CFAP45: variants seen among roughly 807,000 people sequenced by gnomAD.
CFAP45 encodes cilia- and flagella-associated protein 45.
Under a neutral mutation model 75.6 loss-of-function variants are expected in CFAP45, and 43 were observed. That is an observed-to-expected ratio of 0.57 (90% CI 0.45 to 0.73). CFAP45 has a LOEUF of 0.73. Among genes scored for constraint, CFAP45 ranks in the 30% least tolerant of loss-of-function variants. The pLI is 0.00. For missense variants in CFAP45, 689 were observed against 701.5 expected (o/e 0.98, Z 0.20); for synonymous variants, 223 against 244.6 (o/e 0.91, Z 0.82).
chr1:159,877,296 T>G lies in CFAP45; in HGVS notation c.1158+53A>C. The G allele has an allele frequency of 2.4e-6, 3 of 1,253,992 alleles. No individual in the cohort carries two copies. In the East Asian group the frequency reaches 6.9e-5, roughly 29 times the overall value. 77.7% of individuals were successfully genotyped at this position (1,253,992 alleles called of 1,614,324 possible). On this transcript the variant is annotated intron_variant, in intron 9 of 11. Coordinates refer to ENST00000368099, the MANE Select transcript of CFAP45 (RefSeq NM_012337.3). ...GCCATTCTACAGGCTGTCAAAGGGA[T>G]GGATAGGCAAGGGAGTGGGAAAAGT... is the stretch of plus-strand genomic sequence containing the variant.
intron 7 of CFAP45, among the ~76,000 whole-genome samples, chr1:159,881,115 T>C (rs572049114): frequency 1.3e-5 from 2 of 152,344 alleles, no homozygotes; most frequent in Admixed American, 1.3e-4. Context: ...AAATAATACA[T>C]ATTGCCTTAA....
At position 159,884,337 on chromosome 1, in the gene CFAP45, G is replaced by T. The variant is rs1330219876; in HGVS notation, c.897+99C>A. On this transcript the variant is annotated intron_variant, in intron 7 of 11. Transcript: ENST00000368099. ...TGATGATGTTGTGAAATGAGCATGT[G>T]CCTGGCAGAAAATCAGTCAACACCC... is the stretch of plus-strand genomic sequence containing the variant. 3.9e-6 allele frequency: 5 copies of T among 1,266,528 alleles called. No homozygotes were observed. In the South Asian group the frequency reaches 8.0e-5, roughly 20 times the overall value. The allele number at this position is 1,266,528 out of a possible 1,614,324, so 78.5% of individuals were successfully genotyped here.
intron 8 of CFAP45, 93 bp downstream of exon 8, chr1:159,880,461 C>T: frequency 1.7e-6 from 2 of 1,157,946 alleles, no homozygotes; most frequent in Non-Finnish European, 1.2e-6. Context: ...GGTGCGGCTG[C>T]CTTCCACTGG....
intron 1 of CFAP45, among the ~76,000 whole-genome samples, chr1:159,896,821 G>A (rs1262931562): frequency 2.6e-5 from 4 of 152,180 alleles, no homozygotes; most frequent in African/African-American, 9.7e-5. Flanking sequence ...CCAACTCCTG[G>A]AGCACAAGAA....
intron 3 of CFAP45, among the ~76,000 whole-genome samples, chr1:159,889,489 A>G (rs2501321): frequency 0.9 from 137,273 of 152,312 alleles, 62,031 homozygotes; most frequent in African/African-American, 0.97. Context: ...TCACAAAGCA[A>G]CGTGGCCCTA....
Position 159,893,233 on chromosome 1 carries a change from G to C in CFAP45, c.76C>G (p.Arg26Gly). The C allele has an allele frequency of 2.5e-6, 4 of 1,614,072 alleles. No homozygotes were observed. The highest frequency in any genetic ancestry group is 3.4e-6 in the Non-Finnish European group (4 of 1,179,988). The change falls in exon 2 of 12, where the codon CGG becomes GGG. Residue 26 changes from arginine to glycine, a missense_variant. Transcript: ENST00000368099. ...ACCTCAGAGCTCACGGCTTTGGTCC[G>C]ATAGCGAGCCTTATTCCTTGACCTG... ...SNRSRNKARY[R>G]TKAVSSEVDE...
intron 6 of CFAP45, among the ~76,000 whole-genome samples, chr1:159,885,386 T>C (rs910964879): frequency 2.0e-5 from 3 of 152,190 alleles, no homozygotes; most frequent in Non-Finnish European, 4.4e-5. Flanking sequence ...CAGAGGTGAA[T>C]GTACCAGGTA....
chr1:159,890,755 TTC>T, intron 2 of CFAP45, 133 bp from the exon 3 acceptor site: 2 of 588,212 alleles, frequency 3.4e-6, no homozygotes, highest in Non-Finnish European at 5.3e-6. Context: ...AGCTTTTCTT[TTC>T]TTTTTTTTTT....
chr1:159,882,327 C>G (rs931632173), intron 7 of CFAP45, among the ~76,000 whole-genome samples: 1 of 152,166 alleles, frequency 6.6e-6, no homozygotes, highest in Non-Finnish European at 1.5e-5. Flanking sequence ...TTTAATCTCA[C>G]TGGCCCTCAA....
In CFAP45 at chr1:159,887,898, C is replaced by G; in HGVS notation, c.531G>C (p.Leu177=). Residue 177 remains leucine, a synonymous_variant, in exon 5 of 12, where the codon CTG becomes CTC. Coordinates refer to ENST00000368099, the MANE Select transcript of CFAP45 (RefSeq NM_012337.3). The part of the protein sequence containing the change: ...EVAKERAQNL[L]QRANKLRMEQ... ...CCATCCGCAGCTTGTTGGCTCTCTGCAGGAGGTTCTGGGCCCGTTCCTTGG... is the reference window on the plus strand; with the variant it reads ...CCATCCGCAGCTTGTTGGCTCTCTGGAGGAGGTTCTGGGCCCGTTCCTTGG... 1 of 1,614,260 alleles carries G rather than the reference C, an allele frequency of 6.2e-7. No individual in the cohort carries two copies. Among genetic ancestry groups the G allele is most frequent in the Middle Eastern group, 1.7e-4 (1 of 6,060 alleles).
intron 4 of CFAP45, 106 bp downstream of exon 4, chr1:159,888,246 A>G: frequency 8.2e-7 from 1 of 1,222,978 alleles, no homozygotes; most frequent in South Asian, 1.4e-5. Flanking sequence ...TTCTTCATTA[A>G]GTACATAATT....
chr1:159,887,780 A>G, intron 5 of CFAP45, 61 bp downstream of exon 5: 3 of 1,517,622 alleles, frequency 2.0e-6, no homozygotes, highest in Non-Finnish European at 2.7e-6. Flanking sequence ...GTGCGGGAAT[A>G]AGGGGAGGGC....
At chr1:159,886,371 T>C (rs1649677728) in intron 6 of CFAP45, 140 bp downstream of exon 6, 4 of 770,782 alleles carry the variant, frequency 5.2e-6, no homozygotes, top group Middle Eastern at 5.4e-4. Context: ...TGATTCTATG[T>C]ATCACTTCGT....
chr1:159,883,342 TA>T (rs1326723326), intron 7 of CFAP45, among the ~76,000 whole-genome samples: 10 of 151,952 alleles, frequency 6.6e-5, no homozygotes, highest in South Asian at 2.1e-4. Flanking sequence ...CAAAACAAAC[TA>T]AAGAGACTCA....
intron 1 of CFAP45, among the ~76,000 whole-genome samples, chr1:159,896,541 G>C (rs1649954397): frequency 6.6e-6 from 1 of 152,238 alleles, no homozygotes; most frequent in Non-Finnish European, 1.5e-5. Context: ...ATCCCTCTGG[G>C]CCAGAGGCAA....
At chr1:159,897,290 A>G (rs568546954) in intron 1 of CFAP45, among the ~76,000 whole-genome samples, 1 of 150,196 alleles carries the variant, frequency 6.7e-6, no homozygotes, top group African/African-American at 2.5e-5. Context: ...AAAGAAATAC[A>G]TAAGTATTCT....
intron 7 of CFAP45, among the ~76,000 whole-genome samples, chr1:159,882,024 T>G (rs1417390639): frequency 1.3e-5 from 2 of 152,232 alleles, no homozygotes; most frequent in African/African-American, 4.8e-5. Flanking sequence ...CTGTGTGTCT[T>G]CCTGTAGTGC....
Position 159,887,996 on chromosome 1 carries a change from G to C in CFAP45, c.433C>G (p.Arg145Gly). The C allele has an allele frequency of 6.2e-7, 1 of 1,614,066 alleles. No individual in the cohort carries two copies. The highest frequency in any genetic ancestry group is 2.2e-5 in the East Asian group (1 of 44,870). Residue 145 changes from arginine to glycine, a missense_variant, in exon 5 of 12, where the codon CGA becomes GGA. Coordinates refer to ENST00000368099, the MANE Select transcript of CFAP45 (RefSeq NM_012337.3). ...KEATMDAVMT[R>G]KKIMKQKEMV... ...TCCTTCTGTTTCATGATCTTCTTTC[G>C]TGTCATCACTGCATCCTAAGGGAGA...
At position 159,872,992 on chromosome 1, in the gene CFAP45, C is replaced by A. The variant is rs377234702; in HGVS notation, c.1529G>T (p.Arg510Leu). The change falls in exon 11 of 12, where the codon CGC becomes CTC. Residue 510 changes from arginine (R) to leucine (L), a missense_variant. By Grantham distance (102) the Arg-to-Leu change is moderately radical. Transcript: ENST00000368099. ...CTTGATCTCATCGATGCGCTCACGG[C>A]GTTTCTGGGCCTCCTCTTTGAGGCG... ...GRRLKEEAQKRRERIDEIKRK... is the reference protein window; with the variant it reads ...GRRLKEEAQKLRERIDEIKRK... 6.2e-7 allele frequency: 1 copy of A among 1,614,224 alleles called. No homozygotes were observed. Among genetic ancestry groups the A allele is most frequent in the South Asian group, 1.1e-5 (1 of 91,086 alleles).
Sources: allele counts gnomAD v4.1 joint callset (sites outside exome capture counted in the v4.1 genomes callset), GRCh38; gene constraint gnomAD v4.1.1; transcripts MANE v1.5; gene names NCBI Gene and HGNC (gene_info 2026-07-23, HGNC 2026-07-21).